The following SFXN5 variants were observed in gnomAD, a reference collection of about 807,000 sequenced individuals.
The protein encoded by SFXN5 is sideroflexin-5.
A neutral mutation model predicts 50.2 loss-of-function variants in SFXN5; 43 were observed. The ratio of observed to expected loss-of-function variants is 0.86; its 90% confidence interval spans 0.67 to 1.11. The LOEUF is 1.11. Among genes scored for constraint, SFXN5 ranks in the 50% least tolerant of loss-of-function variants. The pLI, the probability that SFXN5 is intolerant of heterozygous loss-of-function variation, is 0.00. For missense variants in SFXN5, 463 were observed against 454.1 expected, an observed-to-expected ratio of 1.02 and a Z score of -0.18; for synonymous variants, 203 against 185.8, an observed-to-expected ratio of 1.09 and a Z score of -0.75.
intron 3 of SFXN5, among the ~76,000 whole-genome samples, chr2:73,031,627 G>C (rs900750317): frequency 6.6e-6 from 1 of 152,232 alleles, no homozygotes; most frequent in Non-Finnish European, 1.5e-5. Flanking sequence ...AGCTAAAGTG[G>C]TGCTTGAAGC....
intron 12 of SFXN5, 78 bp downstream of exon 12, chr2:72,968,370 G>C (rs984533118): frequency 1.4e-6 from 2 of 1,387,266 alleles, no homozygotes; most frequent in Non-Finnish European, 1.0e-6. Context: ...CTCATCTCTT[G>C]CCTGGGCCAG....
chr2:72,992,272 G>A lies in SFXN5; in HGVS notation c.535-3924C>T, dbSNP rs980090254. On this transcript the variant is annotated intron_variant, in intron 9 of 13. Coordinates refer to ENST00000272433, the MANE Select transcript of SFXN5 (RefSeq NM_144579.3). The surrounding 1 kb of genome is among the most constrained non-coding windows in gnomAD (Gnocchi z 4.5). ...CAGCACCAGGAGCTATGGGTGGGGT[G>A]GGAGCTTCATGACACCAAATCTTTA... Among the ~76,000 whole-genome samples the A allele has an allele frequency of 1.3e-5, 2 of 152,176 alleles. No homozygotes were observed. The highest frequency in any genetic ancestry group is 2.1e-4 in the South Asian group (1 of 4,834).
At chr2:73,001,495 C>T in intron 7 of SFXN5, 30 bp downstream of exon 7, 2 of 1,613,500 alleles carry the variant, frequency 1.2e-6, no homozygotes, top group Non-Finnish European at 1.7e-6. Context: ...GCCCTTCCTT[C>T]AGGAGCCCTG....
intron 3 of SFXN5, among the ~76,000 whole-genome samples, chr2:73,025,046 T>C (rs966507112): frequency 1.3e-5 from 2 of 151,984 alleles, no homozygotes; most frequent in East Asian, 1.9e-4. Flanking sequence ...AAAATAATAA[T>C]TGGGGAACAG....
At chr2:73,012,955 T>C (rs1675719846) in intron 6 of SFXN5, among the ~76,000 whole-genome samples, 1 of 152,028 alleles carries the variant, frequency 6.6e-6, no homozygotes, top group South Asian at 2.1e-4. Context: ...ATATGACAGA[T>C]GAATGGTAAG....
rs1409298428 is a variant in SFXN5, at chr2:73,022,506, G to A, written c.331+16C>T. 1 of 1,609,754 alleles carries A rather than the reference G, an allele frequency of 6.2e-7. No individual in the cohort carries two copies. The highest frequency in any genetic ancestry group is 1.1e-5 in the South Asian group (1 of 90,950). Reference sequence around the variant, plus strand: ...ACCCCAGGCTGACCAGAACCAGAAGGGCCCCAGGAGCTTACCTGACATTCT... The same window carrying A: ...ACCCCAGGCTGACCAGAACCAGAAGAGCCCCAGGAGCTTACCTGACATTCT... On this transcript the variant is annotated intron_variant, in intron 5 of 13. Transcript: ENST00000272433.
chr2:72,990,734 C>T (rs1672492253), intron 9 of SFXN5, among the ~76,000 whole-genome samples: 1 of 152,198 alleles, frequency 6.6e-6, no homozygotes, highest in Non-Finnish European at 1.5e-5. Flanking sequence ...GAACGCAGGG[C>T]CTGCTAATTC....
intron 12 of SFXN5, among the ~76,000 whole-genome samples, chr2:72,963,932 C>G (rs1674064982): frequency 6.6e-6 from 1 of 152,134 alleles, no homozygotes; most frequent in African/African-American, 2.4e-5. Flanking sequence ...AGGATGGCAC[C>G]CAGTGGACTG....
At chr2:73,064,976 G>A (rs192298393) in intron 1 of SFXN5, among the ~76,000 whole-genome samples, 12 of 152,178 alleles carry the variant, frequency 7.9e-5, no homozygotes, top group African/African-American at 2.4e-4. Flanking sequence ...TTGTAGAGAC[G>A]GGGTTTCGCC....
intron 1 of SFXN5, among the ~76,000 whole-genome samples, chr2:73,065,283 T>C (rs556527778): frequency 6.6e-5 from 10 of 152,152 alleles, no homozygotes; most frequent in Non-Finnish European, 1.3e-4. Context: ...CAATTTTTTG[T>C]AGACATGGGG....
intron 10 of SFXN5, among the ~76,000 whole-genome samples, chr2:72,983,136 A>C (rs1671520014): frequency 6.6e-6 from 1 of 152,204 alleles, no homozygotes; most frequent in South Asian, 2.1e-4. Context: ...CGGAGGAAGC[A>C]GGGTGGACTG....
intron 6 of SFXN5, among the ~76,000 whole-genome samples, chr2:73,007,293 G>A (rs958223074): frequency 2.6e-5 from 4 of 152,088 alleles, no homozygotes; most frequent in African/African-American, 7.2e-5. Flanking sequence ...TGGGGTATGC[G>A]TCAAAACAAT....
intron 9 of SFXN5, among the ~76,000 whole-genome samples, chr2:72,990,554 C>G (rs963634072): frequency 6.6e-6 from 1 of 152,194 alleles, no homozygotes; most frequent in African/African-American, 2.4e-5. Context: ...GCACTTCCTA[C>G]GTGAGGCCAC....
chr2:73,042,424 C>T (rs569794188), intron 2 of SFXN5: 1 of 151,962 alleles, frequency 6.6e-6, no homozygotes, highest in Admixed American at 6.6e-5. Flanking sequence ...ACCAGCCTGA[C>T]CAACATGATG....
At position 72,971,672 on chromosome 2, in the gene SFXN5, G is replaced by A. The variant is rs370016411; in HGVS notation, c.639C>T (p.Ile213=). 4.3e-6 allele frequency: 7 copies of A among 1,613,728 alleles called. No individual in the cohort carries two copies. The South Asian group carries it at 4.4e-5, about 10-fold the overall frequency. The change falls in exon 11 of 14, where the codon ATC becomes ATT. Residue 213 remains isoleucine (I), a synonymous_variant. Coordinates refer to ENST00000272433, the MANE Select transcript of SFXN5 (RefSeq NM_144579.3). The stretch of plus-strand genomic sequence containing the variant: ...CGTACCGCATCAGGACCACATTGCA[G>A]ATATTGGCACTGGCTGCAGAGAGAG... The part of the protein sequence containing the change: ...VPFPAVASAN[I]CNVVLMRYGE...
rs558799577 is a variant in SFXN5 at position 72,967,867 on chromosome 2, C to T, written c.827+581G>A. Reference sequence around the variant, plus strand: ...GCACTCATTCATTAATAGAATCACTCCACTACTGTTACTATGCTCCCTCAT... The same window carrying T: ...GCACTCATTCATTAATAGAATCACTTCACTACTGTTACTATGCTCCCTCAT... On this transcript the variant is annotated intron_variant, in intron 12 of 13. Transcript: ENST00000272433. Among the ~76,000 whole-genome samples the T allele has an allele frequency of 1.0e-3, 159 of 152,288 alleles. 2 individuals are homozygous for T. The highest frequency in any genetic ancestry group is 3.7e-3 in the African/African-American group (152 of 41,542).
At chr2:72,971,528 C>A in intron 11 of SFXN5, 42 bp downstream of exon 11, 1 of 1,446,546 alleles carries the variant, frequency 6.9e-7, no homozygotes. Context: ...ACTCCCCTCC[C>A]CTGTTGCTGG....
intron 2 of SFXN5, among the ~76,000 whole-genome samples, chr2:73,056,703 C>CA (rs1559215212): frequency 6.7e-6 from 1 of 148,902 alleles, no homozygotes; most frequent in African/African-American, 2.5e-5. Flanking sequence ...AAAAAAAACA[C>CA]AAAAAACAAA....
At chr2:72,999,089 G>T in intron 8 of SFXN5, 75 bp from the exon 9 acceptor site, 1 of 1,510,936 alleles carries the variant, frequency 6.6e-7, no homozygotes, top group Non-Finnish European at 9.1e-7. Flanking sequence ...AGCTGTCCCA[G>T]CCAGCAAGAA....
Sources: gnomAD v4.1 joint callset for allele counts (sites outside exome capture counted in the v4.1 genomes callset) on GRCh38, gnomAD v4.1.1 for gene constraint, Gnocchi (gnomAD v3.1) non-coding constraint, MANE v1.5 for transcripts, NCBI Gene and HGNC (gene_info 2026-07-23, HGNC 2026-07-21) for gene names.